PYGL: variants seen among roughly 807,000 people sequenced by gnomAD.
PYGL encodes the protein glycogen phosphorylase, liver form.
PYGL carries 90 observed loss-of-function variants against 100.1 expected under a neutral mutation model. The ratio of observed to expected loss-of-function variants is 0.90; its 90% CI spans 0.76 to 1.07. PYGL has a LOEUF of 1.07. PYGL is among the 50% of genes least tolerant of loss of function. The probability of loss-of-function intolerance (pLI) is 0.00; values close to 1 mark genes in which losing one functional copy is unlikely to be tolerated. For missense variants in PYGL, 1,016 were observed against 1,057.6 expected (o/e 0.96, Z 0.55); for synonymous variants, 373 against 393.0 (o/e 0.95, Z 0.60).
rs1372505957 is a variant in PYGL at position 50,944,444 on chromosome 14, TG to T, written c.-42del. The T allele has an allele frequency of 1.3e-6, 2 of 1,563,706 alleles. No individual in the cohort carries two copies. The highest frequency in any genetic ancestry group is 1.8e-5 in the Admixed American group (1 of 54,324). On this transcript the variant is annotated 5_prime_UTR_variant, in exon 1 of 20. Transcript: ENST00000216392. ...CTGCGCGGCGGGCTGCGCAGAGAGC[TG>T]GAAGTGCGGCCGGAGGCGCTGGGCT...
chr14:50,941,433 G>T (rs554608712), intron 1 of PYGL, among the ~76,000 whole-genome samples: 1 of 152,206 alleles, frequency 6.6e-6, no homozygotes, highest in Non-Finnish European at 1.5e-5. Context: ...CAAATGGGTA[G>T]CTAGAGCCTC....
chr14:50,906,134 G>A (rs1294081941), intron 19 of PYGL, among the ~76,000 whole-genome samples: 1 of 152,050 alleles, frequency 6.6e-6, no homozygotes, highest in Admixed American at 6.6e-5. Flanking sequence ...GGTCAATTGA[G>A]TCTTTATCCT....
Position 50,908,350 on chromosome 14 carries a change from G to T in PYGL, c.2313-13C>A, listed in dbSNP as rs773232998. ...AAAGACTTTAAACCTTTTATTTTGT[G>T]AGTGGAAGAGGAAAAAAACAGTCAA... On this transcript the variant is annotated splice_polypyrimidine_tract_variant and intron_variant, in intron 18 of 19. Transcript: ENST00000216392. 1 of 1,572,376 alleles carries T rather than the reference G, an allele frequency of 6.4e-7. No individual in the cohort carries two copies. Among genetic ancestry groups the T allele is most frequent in the Non-Finnish European group, 8.8e-7 (1 of 1,142,088 alleles).
At chr14:50,914,873 A>G (rs2050431375) in intron 11 of PYGL, 58 bp from the exon 12 acceptor site, 6 of 1,301,522 alleles carry the variant, frequency 4.6e-6, no homozygotes, top group Non-Finnish European at 6.7e-6. Flanking sequence ...GGTCCTGCAC[A>G]CTGGACAAAG....
chr14:50,944,113 A>C, intron 1 of PYGL, 48 bp downstream of exon 1: 1 of 1,558,210 alleles, frequency 6.4e-7, no homozygotes, highest in Non-Finnish European at 8.6e-7. Context: ...GCGGCCGGAG[A>C]CTCCGACTCC....
chr14:50,910,815 AT>A (rs1188741099), intron 16 of PYGL, among the ~76,000 whole-genome samples: 5 of 152,100 alleles, frequency 3.3e-5, no homozygotes, highest in African/African-American at 9.7e-5. Flanking sequence ...GCCACACGTA[AT>A]TGAGGTGTGC....
rs1277369265 is a variant in PYGL, at chr14:50,944,263, G to A, written c.141C>T (p.Ala47=). Residue 47 remains alanine (A), a synonymous_variant, in exon 1 of 20, where the codon GCC becomes GCT. Coordinates refer to ENST00000216392, the MANE Select transcript of PYGL (RefSeq NM_002863.5). The part of the protein sequence containing the change: ...HFTLVKDRNV[A]TTRDYYFALA... ...GCGCGAAGTAGTAGTCGCGGGTGGT[G>A]GCCACGTTGCGGTCCTTGACCAGCG... 11 of 1,613,818 alleles carry A rather than the reference G, an allele frequency of 6.8e-6. No homozygotes were observed. In the South Asian group the frequency reaches 1.1e-4, roughly 16 times the overall value.
intron 2 of PYGL, among the ~76,000 whole-genome samples, chr14:50,935,992 G>A (rs972085624): frequency 9.2e-5 from 14 of 152,306 alleles, no homozygotes; most frequent in African/African-American, 3.4e-4. Context: ...CTAGCTCCCT[G>A]CCCCAAAGTG....
intron 12 of PYGL, 51 bp downstream of exon 12, chr14:50,914,650 G>T: frequency 7.0e-7 from 1 of 1,424,534 alleles, no homozygotes; most frequent in Non-Finnish European, 9.9e-7. Flanking sequence ...ATAGTCATAT[G>T]CCTCTTGCAT....
In PYGL at chr14:50,905,611, T is replaced by C. The variant is rs1320582691; in HGVS notation, c.2380-55A>G. Reference sequence around the variant, plus strand: ...GAGTCCCAGTGCGCAGTGAGCTTTATAATAAACATCAGCCAAGCACATCCA... The same window carrying C: ...GAGTCCCAGTGCGCAGTGAGCTTTACAATAAACATCAGCCAAGCACATCCA... On this transcript the variant is annotated intron_variant, in intron 19 of 19. Coordinates refer to ENST00000216392, the MANE Select transcript of PYGL (RefSeq NM_002863.5). The C allele has an allele frequency of 4.7e-5, 73 of 1,556,986 alleles. No homozygotes were observed. The South Asian group carries it at 7.0e-4, about 15-fold the overall frequency.
intron 11 of PYGL, chr14:50,915,102 T>C (rs1267504958): frequency 1.6e-6 from 1 of 638,832 alleles, no homozygotes; most frequent in East Asian, 2.7e-5. Flanking sequence ...ATTTTGTTTG[T>C]TTGTTTGTTT....
At position 50,910,064 on chromosome 14, in the gene PYGL, C is replaced by T. The variant is rs750621884; in HGVS notation, c.2008G>A (p.Ala670Thr). 3 of 1,614,148 alleles carry T rather than the reference C, an allele frequency of 1.9e-6. No homozygotes were observed. The highest frequency in any genetic ancestry group is 2.2e-5 in the South Asian group (2 of 91,080). Residue 670 changes from alanine to threonine, a missense_variant, in exon 17 of 20, where the codon GCA (alanine) becomes ACA (threonine). By Grantham distance (58) the Ala-to-Thr change is moderately conservative. Transcript: ENST00000216392. ...CCTGTCCCCGAGGCTTCGGTGCCTG[C>T]AGTGGAAATCTGCTCTGACAGATCT... is the stretch of plus-strand genomic sequence containing the variant. ...ATDLSEQIST[A>T]GTEASGTGNM...
rs2050524626 is a variant in PYGL, at chr14:50,923,995, T to A, written c.634A>T (p.Thr212Ser). 6.2e-7 allele frequency: 1 copy of A among 1,613,936 alleles called. No homozygotes were observed. The highest frequency in any genetic ancestry group is 1.6e-4 in the Middle Eastern group (1 of 6,062). ...HFYGKVEHTN[T>S]GTKWIDTQVV... is the part of the protein sequence containing the mutation. The stretch of plus-strand genomic sequence containing the variant: ...TGAGTGTCAATCCACTTGGTCCCGG[T>A]GTTGGTGTGTTCTACTTTTCCATAG... The change falls in exon 5 of 20, where the codon ACC (threonine) becomes TCC (serine). Residue 212 changes from threonine (T) to serine (S), a missense_variant. Thr to Ser is a moderately conservative substitution (Grantham distance 58). Coordinates refer to ENST00000216392, the MANE Select transcript of PYGL (RefSeq NM_002863.5).
At chr14:50,937,355 C>A (rs2050662250) in intron 2 of PYGL, among the ~76,000 whole-genome samples, 1 of 152,074 alleles carries the variant, frequency 6.6e-6, no homozygotes, top group African/African-American at 2.4e-5. Context: ...ACATGAATAA[C>A]AAAGTTTGAT....
intron 3 of PYGL, among the ~76,000 whole-genome samples, chr14:50,934,567 AAT>A (rs971311964): frequency 7.2e-5 from 11 of 152,192 alleles, no homozygotes; most frequent in Non-Finnish European, 1.6e-4. Flanking sequence ...ATTTTCTATG[AAT>A]ATATATATGT....
intron 12 of PYGL, among the ~76,000 whole-genome samples, chr14:50,913,923 A>G (rs1255935007): frequency 6.6e-6 from 1 of 151,922 alleles, no homozygotes; most frequent in Non-Finnish European, 1.5e-5. Flanking sequence ...GGCTAGTTTC[A>G]AACTCCTGGC....
At chr14:50,928,067 A>C (rs1252390585) in intron 4 of PYGL, among the ~76,000 whole-genome samples, 14 of 152,188 alleles carry the variant, frequency 9.2e-5, no homozygotes, top group Admixed American at 7.9e-4. Context: ...GAAGAAAGCA[A>C]GCGTGGATCT....
intron 6 of PYGL, 82 bp downstream of exon 6, chr14:50,920,874 T>G: frequency 2.1e-6 from 3 of 1,399,756 alleles, no homozygotes; most frequent in Admixed American, 1.8e-5. Flanking sequence ...TTTTTGTTTG[T>G]TTCAAGCTCA....
intron 7 of PYGL, among the ~76,000 whole-genome samples, 199 bp downstream of exon 7, chr14:50,920,342 A>G (rs2050488548): frequency 6.6e-6 from 1 of 152,218 alleles, no homozygotes; most frequent in Non-Finnish European, 1.5e-5. Context: ...CAAAATACCA[A>G]TTCTGATTTC....
Sources: allele counts gnomAD v4.1 joint callset (sites outside exome capture counted in the v4.1 genomes callset), GRCh38; gene constraint gnomAD v4.1.1; transcripts MANE v1.5; gene names NCBI Gene and HGNC (gene_info 2026-07-23, HGNC 2026-07-21).